MPHOSPH10: variants seen among roughly 807,000 people sequenced by gnomAD.
MPHOSPH10 encodes M-phase phosphoprotein 10, also known as U3 small nucleolar ribonucleoprotein MPP10.
MPHOSPH10 carries 33 observed loss-of-function variants against 77.3 expected under a neutral mutation model. That is an observed-to-expected ratio of 0.43 (90% confidence interval 0.32 to 0.57). The LOEUF is 0.57. Among genes scored for constraint, MPHOSPH10 ranks in the 20% least tolerant of loss-of-function variants. The pLI, the probability that MPHOSPH10 is intolerant of heterozygous loss-of-function variation, is 0.07. For missense variants in MPHOSPH10, 708 were observed against 780.1 expected (o/e 0.91, Z 1.10); for synonymous variants, 245 against 268.0 (o/e 0.91, Z 0.84).
intron 9 of MPHOSPH10, chr2:71,148,434 T>C (rs922922018): frequency 2.0e-5 from 4 of 200,600 alleles, no homozygotes; most frequent in Non-Finnish European, 4.1e-5. Context: ...ATACTAGCAA[T>C]AGTTTAGTGT....
intron 10 of MPHOSPH10, 95 bp downstream of exon 10, chr2:71,149,548 GC>G: frequency 1.7e-6 from 2 of 1,151,690 alleles, no homozygotes; most frequent in South Asian, 1.5e-5. Flanking sequence ...CCAGCTGACA[GC>G]CCACCTGCGG....
intron 8 of MPHOSPH10, among the ~76,000 whole-genome samples, chr2:71,146,384 G>A (rs552837868): frequency 7.4e-6 from 1 of 135,154 alleles, no homozygotes; most frequent in South Asian, 2.4e-4. Flanking sequence ...TGCCCAGGCT[G>A]GAGTGCAGTG....
At chr2:71,132,155 T>TA (rs1673400672) in intron 1 of MPHOSPH10, among the ~76,000 whole-genome samples, 2 of 152,252 alleles carry the variant, frequency 1.3e-5, no homozygotes, top group South Asian at 4.1e-4. Flanking sequence ...AACTCCAGTC[T>TA]AAATCACCAT....
Position 71,149,418 on chromosome 2 carries a change from C to G in MPHOSPH10, c.1861C>G (p.Gln621Glu), listed in dbSNP as rs377281443. The change falls in exon 10 of 11, where the codon CAG becomes GAG. Residue 621 changes from glutamine (Q) to glutamate (E), a missense_variant. Around this residue, in one of 3 missense-constraint regions of MPHOSPH10, gnomAD observed 263 missense variants for 320.0 expected, o/e 0.82. Transcript: ENST00000244230. ...SKTVASEKLK[Q>E]LTKTGKASFI... ...AACAGTAGCTTCGGAGAAGTTAAAA[C>G]AGCTGACCAAAACTGGCAAAGCTTC... 2.6e-4 allele frequency: 418 copies of G among 1,613,930 alleles called. No homozygotes were observed. The highest frequency in any genetic ancestry group is 3.4e-4 in the Non-Finnish European group (403 of 1,180,002).
intron 4 of MPHOSPH10, among the ~76,000 whole-genome samples, chr2:71,137,213 A>G (rs1673513707): frequency 6.6e-6 from 1 of 152,156 alleles, no homozygotes; most frequent in Non-Finnish European, 1.5e-5. Context: ...ATTTAAGCCA[A>G]AAACTGCCAT....
intron 1 of MPHOSPH10, 52 bp downstream of exon 1, chr2:71,130,806 C>T (rs756650702): frequency 3.9e-6 from 6 of 1,533,416 alleles, no homozygotes; most frequent in East Asian, 2.4e-5. Flanking sequence ...CACGTGGACG[C>T]GGGTTGCAGG....
chr2:71,133,164 G>A lies in MPHOSPH10; in HGVS notation c.356G>A (p.Gly119Asp). The A allele has an allele frequency of 6.2e-7, 1 of 1,614,164 alleles. No individual in the cohort carries two copies. Among genetic ancestry groups the A allele is most frequent in the South Asian group, 1.1e-5 (1 of 91,086 alleles). ...ESEEQEREED[G>D]SEIEADDKED... ...GAAGAACAGGAACGTGAAGAGGATGGTTCAGAGATAGAGGCTGATGACAAG... is the reference window on the plus strand; with the variant it reads ...GAAGAACAGGAACGTGAAGAGGATGATTCAGAGATAGAGGCTGATGACAAG... Residue 119 changes from glycine to aspartate, a missense_variant, in exon 2 of 11, where the codon GGT becomes GAT. Gly to Asp is a moderately conservative substitution (Grantham distance 94). Around this residue, in one of 3 missense-constraint regions of MPHOSPH10, gnomAD observed 433 missense variants for 432.6 expected, o/e 1.00. Coordinates refer to ENST00000244230, the MANE Select transcript of MPHOSPH10 (RefSeq NM_005791.3).
intron 1 of MPHOSPH10, among the ~76,000 whole-genome samples, chr2:71,131,828 A>C (rs1673390971): frequency 6.6e-6 from 1 of 152,224 alleles, no homozygotes. Context: ...AATGTTGATT[A>C]ATCAATTAAG....
chr2:71,147,885 T>TA (rs1346291592), intron 8 of MPHOSPH10, 114 bp from the exon 9 acceptor site: 1 of 762,736 alleles, frequency 1.3e-6, no homozygotes, highest in Non-Finnish European at 2.1e-6. Flanking sequence ...GAAAAAAAGA[T>TA]AATCTCCATA....
intron 4 of MPHOSPH10, among the ~76,000 whole-genome samples, chr2:71,137,690 C>CTGCAGAT (rs1286100521): frequency 6.9e-6 from 1 of 145,660 alleles, no homozygotes; most frequent in Admixed American, 6.9e-5. Context: ...ATTAGGAATA[C>CTGCAGAT]TGCAGATGTA....
At chr2:71,149,832 T>G in intron 10 of MPHOSPH10, 34 bp from the exon 11 acceptor site, 1 of 1,498,972 alleles carries the variant, frequency 6.7e-7, no homozygotes, top group Non-Finnish European at 8.9e-7. Context: ...TAAGTACATT[T>G]TACAGCATAA....
Position 71,132,992 on chromosome 2 carries a change from C to T in MPHOSPH10, c.184C>T (p.Pro62Ser). The T allele has an allele frequency of 6.2e-7, 1 of 1,613,970 alleles. No homozygotes were observed. Among genetic ancestry groups the T allele is most frequent in the South Asian group, 1.1e-5 (1 of 91,056 alleles). The stretch of plus-strand genomic sequence containing the variant: ...AGAGAATGGTAGGATCCATGGAAGC[C>T]CCTTGCAAAAACTTGTGATAGAAAA... The part of the protein sequence containing the change: ...ILENGRIHGS[P>S]LQKLVIENFD... Residue 62 changes from proline to serine, a missense_variant, in exon 2 of 11, where the codon CCC (proline) becomes TCC (serine). Pro to Ser is a moderately conservative substitution (Grantham distance 74). Around this residue, in one of 3 missense-constraint regions of MPHOSPH10, gnomAD observed 433 missense variants for 432.6 expected, o/e 1.00. Coordinates refer to ENST00000244230, the MANE Select transcript of MPHOSPH10 (RefSeq NM_005791.3).
In MPHOSPH10 at chr2:71,133,964, G is replaced by A; in HGVS notation, c.785G>A (p.Arg262Lys). 2 of 1,571,622 alleles carry A rather than the reference G, an allele frequency of 1.3e-6. No homozygotes were observed. The highest frequency in any genetic ancestry group is 2.4e-5 in the South Asian group (2 of 83,088). ...TTATTTTAGTCAGGTAAAAGTTCCAGAAATCTGAAATACAAAGATTTTTTT... is the reference window on the plus strand; with the variant it reads ...TTATTTTAGTCAGGTAAAAGTTCCAAAAATCTGAAATACAAAGATTTTTTT... Reference protein sequence around the residue: ...SKKLKSGKSSRNLKYKDFFDP... With the variant: ...SKKLKSGKSSKNLKYKDFFDP... The change falls in exon 3 of 11, where the codon AGA becomes AAA. Residue 262 changes from arginine (R) to lysine (K), a missense_variant. Around this residue, in one of 3 missense-constraint regions of MPHOSPH10, gnomAD observed 433 missense variants for 432.6 expected, o/e 1.00. Coordinates refer to ENST00000244230, the MANE Select transcript of MPHOSPH10 (RefSeq NM_005791.3).
chr2:71,138,932 G>A (rs1369651893), intron 5 of MPHOSPH10: 4 of 579,542 alleles, frequency 6.9e-6, no homozygotes, highest in East Asian at 2.9e-5. Context: ...TACTCGGAAG[G>A]CTGAGGCAGG....
chr2:71,139,851 A>G lies in MPHOSPH10; in HGVS notation c.1297A>G (p.Ile433Val), dbSNP rs762131545. The change falls in exon 6 of 11, where the codon ATA becomes GTA. Residue 433 changes from isoleucine to valine, a missense_variant. Coordinates refer to ENST00000244230, the MANE Select transcript of MPHOSPH10 (RefSeq NM_005791.3). The stretch of plus-strand genomic sequence containing the variant: ...ACTGGAAGATATCATTAAACAGAGG[A>G]TAAGAGATCAGGTCAGTAAGAATTA... ...LQLEDIIKQR[I>V]RDQAWDDVVR... 6.2e-7 allele frequency: 1 copy of G among 1,602,946 alleles called. No individual in the cohort carries two copies.
Position 71,134,711 on chromosome 2 carries a change from G to A in MPHOSPH10, c.1012G>A (p.Asp338Asn), listed in dbSNP as rs752080600. The change falls in exon 4 of 11, where the codon GAT becomes AAT. Residue 338 changes from aspartate to asparagine, a missense_variant. Around this residue, in one of 3 missense-constraint regions of MPHOSPH10, gnomAD observed 433 missense variants for 432.6 expected, o/e 1.00. Transcript: ENST00000244230. ...LKRVTFALPD[D>N]AETEDTGVLN... ...AAGAGTGACCTTTGCTTTACCAGAT[G>A]ATGCGGAAACTGAAGATACAGGTGT... 6 of 1,611,886 alleles carry A rather than the reference G, an allele frequency of 3.7e-6. No homozygotes were observed. In the Admixed American group the frequency reaches 8.4e-5, roughly 22 times the overall value.
At position 71,141,266 on chromosome 2, in the gene MPHOSPH10, A is replaced by G. The variant is rs756802900; in HGVS notation, c.1343A>G (p.Lys448Arg). The G allele has an allele frequency of 5.2e-6, 8 of 1,552,266 alleles. No individual in the cohort carries two copies. The South Asian group carries it at 8.8e-5, about 17-fold the overall frequency. The part of the protein sequence containing the change: ...WDDVVRKEKP[K>R]EDAYEYKKRL... ...GATGTAGTACGTAAAGAAAAACCTA[A>G]AGAGGATGCATATGAATATAAAAAG... is the stretch of plus-strand genomic sequence containing the variant. Residue 448 changes from lysine (K) to arginine (R), a missense_variant, in exon 7 of 11, where the codon AAA becomes AGA. Lys to Arg is a conservative substitution (Grantham distance 26). This residue lies in a region of MPHOSPH10 where 263 missense variants were observed against 320.0 expected (regional missense o/e 0.82). Transcript: ENST00000244230.
In MPHOSPH10 at chr2:71,144,353, C is replaced by A. The variant is rs531585383; in HGVS notation, c.1447-75C>A. 2.3e-4 allele frequency: 245 copies of A among 1,078,206 alleles called. 1 individual carries two copies. In the African/African-American group the frequency reaches 3.6e-3, roughly 16 times the overall value. 66.8% of individuals were successfully genotyped at this position (1,078,206 alleles called of 1,614,324 possible). On this transcript the variant is annotated intron_variant, in intron 7 of 10. Transcript: ENST00000244230. Reference sequence around the variant, plus strand: ...AGTGATGAGAAGTTAGAAATACTCTCATTGACCTTTAGTGTTTTGTCCTGT... The same window carrying A: ...AGTGATGAGAAGTTAGAAATACTCTAATTGACCTTTAGTGTTTTGTCCTGT...
At chr2:71,142,460 T>C (rs1261577302) in intron 7 of MPHOSPH10, among the ~76,000 whole-genome samples, 1 of 152,252 alleles carries the variant, frequency 6.6e-6, no homozygotes, top group African/African-American at 2.4e-5. Flanking sequence ...ATGCCAGCTC[T>C]AAATGTTAGT....
Sources: allele counts gnomAD v4.1 joint callset (sites outside exome capture counted in the v4.1 genomes callset), GRCh38; gene constraint gnomAD v4.1.1; regional missense constraint gnomAD v4.1.1; transcripts MANE v1.5; gene names NCBI Gene and HGNC (gene_info 2026-07-23, HGNC 2026-07-21).